LDLRAD3: variants seen among roughly 807,000 people sequenced by gnomAD.
The protein encoded by LDLRAD3 is low density lipoprotein receptor class A domain containing 3, also known as low-density lipoprotein receptor class A domain-containing protein 3.
In LDLRAD3, 20 loss-of-function variants were observed where a neutral mutation model predicts 29.4. The ratio of observed to expected loss-of-function variants is 0.68; its 90% confidence interval spans 0.48 to 0.99. The LOEUF (loss-of-function observed/expected upper bound fraction) is 0.99, where lower values mean the gene tolerates loss of function less well. Ranked by LOEUF, LDLRAD3 falls within the 50% of genes least tolerant of loss-of-function variation. The pLI, the probability that LDLRAD3 is intolerant of heterozygous loss-of-function variation, is 0.00. For synonymous variants in LDLRAD3, 157 were observed against 192.7 expected (o/e 0.81, Z 1.53); for missense variants, 420 against 454.3 (o/e 0.92, Z 0.69).
chr11:36,045,869 CA>C, intron 2 of LDLRAD3, among the ~76,000 whole-genome samples: 1 of 152,104 alleles, frequency 6.6e-6, no homozygotes, highest in South Asian at 2.1e-4. Flanking sequence ...CATAGGTATA[CA>C]TGTGCCATGG....
intron 1 of LDLRAD3, among the ~76,000 whole-genome samples, chr11:35,979,869 A>G (rs1339245764): frequency 6.6e-6 from 1 of 152,208 alleles, no homozygotes; most frequent in Non-Finnish European, 1.5e-5. Context: ...GCTCACAACT[A>G]TTCTACTGGA....
At chr11:36,102,685 G>T (rs1456609934) in intron 4 of LDLRAD3, among the ~76,000 whole-genome samples, 1 of 152,106 alleles carries the variant, frequency 6.6e-6, no homozygotes, top group Non-Finnish European at 1.5e-5. Context: ...TTTTAATTGG[G>T]GCTTCATTGA....
intron 4 of LDLRAD3, among the ~76,000 whole-genome samples, chr11:36,192,152 A>G (rs979586180): frequency 4.6e-5 from 7 of 152,244 alleles, no homozygotes; most frequent in African/African-American, 1.7e-4. Context: ...GACTCTTTAA[A>G]TTGTGTGCAC....
At chr11:36,203,139 G>A (rs115752823) in intron 4 of LDLRAD3, among the ~76,000 whole-genome samples, 1,582 of 152,090 alleles carry the variant, frequency 0.01, 29 homozygotes, top group African/African-American at 0.036. Flanking sequence ...GTCTCACTGT[G>A]TTGCCCAGGC....
At chr11:36,117,638 G>A (rs931566475) in intron 4 of LDLRAD3, among the ~76,000 whole-genome samples, 4 of 152,206 alleles carry the variant, frequency 2.6e-5, no homozygotes, top group African/African-American at 9.6e-5. Context: ...CTGGCTCCCT[G>A]GTTCCCACCC....
chr11:36,081,223 T>C (rs1011594052), intron 2 of LDLRAD3, among the ~76,000 whole-genome samples: 3 of 152,208 alleles, frequency 2.0e-5, no homozygotes, highest in Non-Finnish European at 4.4e-5. Context: ...TTAAATGAGA[T>C]GATCCATACA....
chr11:36,145,694 C>T, intron 4 of LDLRAD3, among the ~76,000 whole-genome samples: 1 of 151,262 alleles, frequency 6.6e-6, no homozygotes, highest in East Asian at 2.0e-4. Flanking sequence ...TCCTGTTAAT[C>T]TGTGACCTTA....
At chr11:36,150,490 T>C (rs977785069) in intron 4 of LDLRAD3, among the ~76,000 whole-genome samples, 16 of 151,940 alleles carry the variant, frequency 1.1e-4, no homozygotes, top group African/African-American at 3.9e-4. Flanking sequence ...ATTGTACCAG[T>C]GCACTCCAGC....
chr11:36,129,153 G>C (rs1853887920), intron 4 of LDLRAD3, among the ~76,000 whole-genome samples: 1 of 151,258 alleles, frequency 6.6e-6, no homozygotes, highest in African/African-American at 2.5e-5. Flanking sequence ...AGATAGAAAT[G>C]TCCCGGTCAT....
chr11:36,167,935 G>A (rs1854538894), intron 4 of LDLRAD3, among the ~76,000 whole-genome samples: 2 of 152,162 alleles, frequency 1.3e-5, no homozygotes. Context: ...AAAATGCTTT[G>A]TCATTCTCAT....
At chr11:36,161,983 C>T (rs1292634430) in intron 4 of LDLRAD3, among the ~76,000 whole-genome samples, 1 of 152,184 alleles carries the variant, frequency 6.6e-6, no homozygotes, top group African/African-American at 2.4e-5. Context: ...CAAAAATAAT[C>T]ACCCCTAGAG....
intron 4 of LDLRAD3, among the ~76,000 whole-genome samples, chr11:36,212,644 G>C (rs1362664705): frequency 6.6e-6 from 1 of 151,886 alleles, no homozygotes; most frequent in African/African-American, 2.4e-5. Flanking sequence ...CTGTGTCTTA[G>C]CAAAGAGGCC....
intron 4 of LDLRAD3, among the ~76,000 whole-genome samples, chr11:36,152,066 T>A (rs1854285686): frequency 6.8e-6 from 1 of 147,908 alleles, no homozygotes; most frequent in Non-Finnish European, 1.5e-5. Flanking sequence ...AACCAAGGAA[T>A]GCTGAATTTC....
intron 2 of LDLRAD3, among the ~76,000 whole-genome samples, chr11:36,063,804 T>C (rs1435052852): frequency 6.6e-6 from 1 of 152,258 alleles, no homozygotes; most frequent in African/African-American, 2.4e-5. Context: ...AGTGTCTTAA[T>C]TACTCTAGCT....
In LDLRAD3 at chr11:36,182,364, C is replaced by G. The variant is rs12287720; in HGVS notation, c.455-44721C>G. On this transcript the variant is annotated intron_variant, in intron 4 of 5. Transcript: ENST00000315571. ...GGTTTGTCAGAGCAAGAAGACCACTCTCCCCTCCACCTGCCCCCGCAAAAA... is the reference window on the plus strand; with the variant it reads ...GGTTTGTCAGAGCAAGAAGACCACTGTCCCCTCCACCTGCCCCCGCAAAAA... 9.5e-3 allele frequency among the ~76,000 whole-genome samples: 1,452 copies of G among 152,132 alleles called. 29 individuals carry two copies. The highest frequency in any genetic ancestry group is 0.033 in the African/African-American group (1,379 of 41,502).
intron 4 of LDLRAD3, among the ~76,000 whole-genome samples, chr11:36,121,711 T>G (rs1853761774): frequency 1.3e-5 from 2 of 152,220 alleles, no homozygotes; most frequent in African/African-American, 4.8e-5. Context: ...CTGTTATGAT[T>G]TATGCTAGGA....
In LDLRAD3 at chr11:36,052,246, C is replaced by T. The variant is rs114961286; in HGVS notation, c.193+15997C>T. Among the ~76,000 whole-genome samples the T allele has an allele frequency of 5.7e-3, 867 of 152,222 alleles. 7 individuals carry two copies. The highest frequency in any genetic ancestry group is 0.02 in the African/African-American group (830 of 41,552). On this transcript the variant is annotated intron_variant, in intron 2 of 5. Transcript: ENST00000315571. ...AGCAAACTGTTTTGAACAGGGAGTG[C>T]TAAGTAATGGGATGGTGACATGATA...
Position 36,043,616 on chromosome 11 carries a change from C to T in LDLRAD3, c.193+7367C>T, listed in dbSNP as rs190048378. Among the ~76,000 whole-genome samples, 678 of 152,050 alleles carry T rather than the reference C, an allele frequency of 4.5e-3. 4 individuals carry two copies. Among genetic ancestry groups the T allele is most frequent in the African/African-American group, 0.016 (646 of 41,458 alleles). On this transcript the variant is annotated intron_variant, in intron 2 of 5. Coordinates refer to ENST00000315571, the MANE Select transcript of LDLRAD3 (RefSeq NM_174902.4). ...CAATGTGAATGTTGTCTTTATAAGA[C>T]GATAATATGAAGATAGGAGGGAAGA...
chr11:36,088,848 T>C (rs2133264090), intron 3 of LDLRAD3, among the ~76,000 whole-genome samples: 1 of 152,280 alleles, frequency 6.6e-6, no homozygotes, highest in East Asian at 1.9e-4. Flanking sequence ...TCTCAGACCA[T>C]ACAGGACTTT....
Sources: gnomAD v4.1 joint callset for allele counts (sites outside exome capture counted in the v4.1 genomes callset) on GRCh38, gnomAD v4.1.1 for gene constraint, MANE v1.5 for transcripts, NCBI Gene and HGNC (gene_info 2026-07-23, HGNC 2026-07-21) for gene names.